TRPM4: variants seen among roughly 807,000 people sequenced by gnomAD.
TRPM4 encodes transient receptor potential cation channel subfamily M member 4.
Under a neutral mutation model 135.6 loss-of-function variants are expected in TRPM4, and 124 were observed. That is an observed-to-expected ratio of 0.91 (90% CI 0.79 to 1.06). The LOEUF is 1.06. TRPM4 is among the 50% of genes least tolerant of loss of function. TRPM4 has a pLI of 0.00. For missense variants in TRPM4, 1,658 were observed against 1,671.4 expected, an observed-to-expected ratio of 0.99 and a Z score of 0.14; for synonymous variants, 745 against 705.6, an observed-to-expected ratio of 1.06 and a Z score of -0.88.
chr19:49,184,793 T>G (rs981764369), intron 12 of TRPM4, among the ~76,000 whole-genome samples: 1 of 150,774 alleles, frequency 6.6e-6, no homozygotes, highest in Non-Finnish European at 1.5e-5. Context: ...TAGTCTGTCT[T>G]TTTTTTTTCC....
intron 12 of TRPM4, 23 bp downstream of exon 12, chr19:49,183,235 T>C: frequency 6.2e-7 from 1 of 1,613,870 alleles, no homozygotes; most frequent in Non-Finnish European, 8.5e-7. Flanking sequence ...TTGGCGCTCC[T>C]GCATCCCTGT....
chr19:49,182,435 T>C, intron 10 of TRPM4, 143 bp from the exon 11 acceptor site: 1 of 711,720 alleles, frequency 1.4e-6, no homozygotes, highest in Admixed American at 2.1e-5. Flanking sequence ...TACCTATCCA[T>C]TCATCCATCC....
At chr19:49,204,982 GTTTT>G (rs756332219) in intron 20 of TRPM4, among the ~76,000 whole-genome samples, 1,905 of 60,738 alleles carry the variant, frequency 0.031, 36 homozygotes, top group African/African-American at 0.1. Context: ...GGCTTTGGTT[GTTTT>G]TTTTTTTTTT....
chr19:49,167,990 C>T lies in TRPM4; in HGVS notation c.341C>T (p.Ala114Val), dbSNP rs1428791573. 2 of 1,613,974 alleles carry T rather than the reference C, an allele frequency of 1.2e-6. No homozygotes were observed. The highest frequency in any genetic ancestry group is 1.7e-6 in the Non-Finnish European group (2 of 1,180,012). The change falls in exon 4 of 25, where the codon GCC becomes GTC. Residue 114 changes from alanine (A) to valine (V), a missense_variant. By Grantham distance (64) the Ala-to-Val change is moderately conservative. Transcript: ENST00000252826. ...GTCACACGCACATGGGGCTTCCGTG[C>T]CCCGAACCTGGTGGTGTCAGTGCTG... ...SLVTRTWGFR[A>V]PNLVVSVLGG...
rs75345922 is a variant in TRPM4, at chr19:49,169,784, G to A, written c.796+1048G>A. ...ATGCAGCCCAGGTGGCCTCAAACTC[G>A]TGGTCGAAAGTGGTCCACCTGCCTC... On this transcript the variant is annotated intron_variant, in intron 6 of 24. Transcript: ENST00000252826. Among the ~76,000 whole-genome samples the A allele has an allele frequency of 2.8e-3, 428 of 151,020 alleles. 3 individuals are homozygous for A. The highest frequency in any genetic ancestry group is 0.01 in the African/African-American group (418 of 41,058).
In TRPM4 at chr19:49,168,091, A is replaced by G; in HGVS notation, c.442A>G (p.Ser148Gly). 1 of 1,603,642 alleles carries G rather than the reference A, an allele frequency of 6.2e-7. No homozygotes were observed. Among genetic ancestry groups the G allele is most frequent in the South Asian group, 1.1e-5 (1 of 90,942 alleles). Residue 148 changes from serine (S) to glycine (G), a missense_variant, in exon 4 of 25, where the codon AGC (serine) becomes GGC (glycine). Coordinates refer to ENST00000252826, the MANE Select transcript of TRPM4 (RefSeq NM_017636.4). ...TCGTGGGCTGGTGCGGGCTGCCCAG[A>G]GCACAGGTGACCGAGGGTGGGTGGG... ...LRRGLVRAAQ[S>G]TGAWIVTGGL... is the part of the protein sequence containing the mutation.
At chr19:49,191,741 G>A (rs374229515) in intron 16 of TRPM4, among the ~76,000 whole-genome samples, 5 of 152,024 alleles carry the variant, frequency 3.3e-5, no homozygotes, top group Admixed American at 1.3e-4. Flanking sequence ...CTTGTGATCC[G>A]CCCGCCTCAG....
chr19:49,172,066 T>C lies in TRPM4; in HGVS notation c.1108T>C (p.Ser370Pro). The C allele has an allele frequency of 6.2e-7, 1 of 1,613,956 alleles. No homozygotes were observed. The highest frequency in any genetic ancestry group is 8.5e-7 in the Non-Finnish European group (1 of 1,179,950). ...LLTVYSSEDGSEEFETIVLKA... is the reference protein window; with the variant it reads ...LLTVYSSEDGPEEFETIVLKA... ...GACAGTCTATTCTTCTGAGGATGGGTCTGAGGAATTCGAGACCATAGTTTT... is the reference window on the plus strand; with the variant it reads ...GACAGTCTATTCTTCTGAGGATGGGCCTGAGGAATTCGAGACCATAGTTTT... Residue 370 changes from serine to proline, a missense_variant, in exon 9 of 25, where the codon TCT becomes CCT. By Grantham distance (74) the Ser-to-Pro change is moderately conservative. Transcript: ENST00000252826.
In TRPM4 at chr19:49,211,135, C is replaced by T; in HGVS notation, c.3535-29C>T. On this transcript the variant is annotated intron_variant, in intron 23 of 24. Coordinates refer to ENST00000252826, the MANE Select transcript of TRPM4 (RefSeq NM_017636.4). The surrounding 1 kb of genome is among the most constrained non-coding windows in gnomAD (Gnocchi z 4.8). ...GGGGACTGTGGCAGGGGTCCCATCT[C>T]CCGCTCTGACATTCCTCCCATTCCG... 6.2e-7 allele frequency: 1 copy of T among 1,609,872 alleles called. No homozygotes were observed. The highest frequency in any genetic ancestry group is 8.5e-7 in the Non-Finnish European group (1 of 1,178,370).
intron 2 of TRPM4, among the ~76,000 whole-genome samples, chr19:49,165,492 G>T (rs561531001): frequency 1.3e-5 from 2 of 152,214 alleles, no homozygotes; most frequent in South Asian, 4.1e-4. Context: ...GGCTGGGACT[G>T]GTATGCGAGC....
In TRPM4 at chr19:49,183,065, C is replaced by G. The variant is rs1242509916; in HGVS notation, c.1609-13C>G. On this transcript the variant is annotated splice_polypyrimidine_tract_variant and intron_variant, in intron 11 of 24. Coordinates refer to ENST00000252826, the MANE Select transcript of TRPM4 (RefSeq NM_017636.4). Reference sequence around the variant, plus strand: ...GAGGGGCTGGTCCTCACCACCCCTCCTTTTGCTGGCAGATGTATCTGCTCT... The same window carrying G: ...GAGGGGCTGGTCCTCACCACCCCTCGTTTTGCTGGCAGATGTATCTGCTCT... The G allele has an allele frequency of 6.2e-7, 1 of 1,611,118 alleles. No individual in the cohort carries two copies. Among genetic ancestry groups the G allele is most frequent in the Admixed American group, 1.7e-5 (1 of 60,010 alleles).
In TRPM4 at chr19:49,171,677, G is replaced by A; in HGVS notation, c.958G>A (p.Ala320Thr). 6.2e-7 allele frequency: 1 copy of A among 1,613,624 alleles called. No individual in the cohort carries two copies. Among genetic ancestry groups the A allele is most frequent in the Non-Finnish European group, 8.5e-7 (1 of 1,179,896 alleles). ...CLAETLEDTLAPGSGGARQGE... is the reference protein window; with the variant it reads ...CLAETLEDTLTPGSGGARQGE... ...GGCGGAGACCCTGGAAGACACTCTG[G>A]CCCCAGGGAGTGGGGGAGCCAGGCA... is the stretch of plus-strand genomic sequence containing the variant. Residue 320 changes from alanine (A) to threonine (T), a missense_variant, in exon 8 of 25, where the codon GCC becomes ACC. This residue lies in a region of TRPM4 where 1,412 missense variants were observed against 1,408.7 expected (regional missense o/e 1.00). Transcript: ENST00000252826. The surrounding 1 kb of genome is among the most constrained non-coding windows in gnomAD (Gnocchi z 4.7).
At chr19:49,203,418 A>G (rs1405261290) in intron 20 of TRPM4, among the ~76,000 whole-genome samples, 1 of 152,056 alleles carries the variant, frequency 6.6e-6, no homozygotes, top group Non-Finnish European at 1.5e-5. Context: ...TGACCTTGTG[A>G]TCCGCCCGCC....
intron 9 of TRPM4, among the ~76,000 whole-genome samples, chr19:49,176,941 T>A (rs1466226202): frequency 2.6e-5 from 4 of 152,040 alleles, no homozygotes; most frequent in Non-Finnish European, 5.9e-5. Context: ...GAGCCCCAGT[T>A]TCTCTCTGTG....
intron 13 of TRPM4, 30 bp from the exon 14 acceptor site, chr19:49,188,916 C>A: frequency 6.2e-7 from 1 of 1,613,996 alleles, no homozygotes; most frequent in South Asian, 1.1e-5. Context: ...CCTTCCCATC[C>A]CTGTCACATA....
At chr19:49,176,948 T>C (rs183114470) in intron 9 of TRPM4, among the ~76,000 whole-genome samples, 1 of 152,222 alleles carries the variant, frequency 6.6e-6, no homozygotes, top group Non-Finnish European at 1.5e-5. Context: ...AGTTTCTCTC[T>C]GTGGAAAGTG....
intron 2 of TRPM4, among the ~76,000 whole-genome samples, chr19:49,165,678 C>G (rs977823497): frequency 3.3e-5 from 5 of 152,166 alleles, no homozygotes; most frequent in Non-Finnish European, 7.3e-5. Context: ...CTGAGTTACC[C>G]GCTGGATGTT....
chr19:49,210,916 C>T lies in TRPM4; in HGVS notation c.3461+74C>T. The T allele has an allele frequency of 3.1e-6, 4 of 1,294,872 alleles. No individual in the cohort carries two copies. 80.2% of individuals were successfully genotyped at this position (1,294,872 alleles called of 1,614,324 possible). A position where few individuals can be genotyped will look rare whatever the true frequency, so the allele number is the denominator to read the frequency against. ...CCTGACTTCAGCTGAAGGCAGGGTC[C>T]TGGGAGGGAGGGAGAGAGGGAGGAG... is the stretch of plus-strand genomic sequence containing the variant. On this transcript the variant is annotated intron_variant, in intron 22 of 24. Transcript: ENST00000252826. The surrounding 1 kb of genome is among the most constrained non-coding windows in gnomAD (Gnocchi z 4.1).
chr19:49,161,976 T>C (rs539297721), intron 2 of TRPM4, among the ~76,000 whole-genome samples: 5 of 152,162 alleles, frequency 3.3e-5, no homozygotes, highest in South Asian at 2.1e-4. Flanking sequence ...TCTGCACACA[T>C]TGGGTTTGAG....
Sources: gnomAD v4.1 joint callset for allele counts (sites outside exome capture counted in the v4.1 genomes callset) on GRCh38, gnomAD v4.1.1 for gene constraint, gnomAD v4.1.1 regional missense constraint, Gnocchi (gnomAD v3.1) non-coding constraint, MANE v1.5 for transcripts, NCBI Gene and HGNC (gene_info 2026-07-23, HGNC 2026-07-21) for gene names.